The following SMURF2 variants were observed in gnomAD, a reference collection of about 807,000 sequenced individuals.
SMURF2 encodes the protein E3 ubiquitin-protein ligase SMURF2.
SMURF2 carries 48 observed loss-of-function variants against 109.6 expected under a neutral mutation model. That is an observed-to-expected ratio of 0.44 (90% CI 0.35 to 0.56). The LOEUF is 0.56. SMURF2 is among the 20% of genes least tolerant of loss of function. The pLI is 0.01. For missense variants in SMURF2, 575 were observed against 909.0 expected (o/e 0.63, Z 4.72); for synonymous variants, 288 against 317.1 (o/e 0.91, Z 0.97).
chr17:64,643,823 G>GT (rs1243188394), intron 1 of SMURF2, among the ~76,000 whole-genome samples: 1 of 152,136 alleles, frequency 6.6e-6, no homozygotes, highest in South Asian at 2.1e-4. Context: ...CTTCAGCTAC[G>GT]TTTTTTGTTT....
chr17:64,647,482 AGCCTG>A, intron 1 of SMURF2, among the ~76,000 whole-genome samples: 1 of 152,230 alleles, frequency 6.6e-6, no homozygotes, highest in East Asian at 1.9e-4. Flanking sequence ...GCTTGAGACC[AGCCTG>A]GCCAACATGG....
chr17:64,642,216 G>C (rs1265011209), intron 1 of SMURF2, among the ~76,000 whole-genome samples: 1 of 152,210 alleles, frequency 6.6e-6, no homozygotes, highest in Admixed American at 6.5e-5. Flanking sequence ...TAGCAATGCA[G>C]GTCGATTTTC....
chr17:64,601,082 C>A (rs1303633600), intron 2 of SMURF2, among the ~76,000 whole-genome samples: 6 of 151,986 alleles, frequency 3.9e-5, no homozygotes, highest in South Asian at 2.1e-4. Context: ...GACCACCCCC[C>A]ATCCCCCACA....
At chr17:64,650,839 A>G (rs1555693420) in intron 1 of SMURF2, among the ~76,000 whole-genome samples, 1 of 147,000 alleles carries the variant, frequency 6.8e-6, no homozygotes. Flanking sequence ...TACCAAGTAT[A>G]TCTTACATAG....
chr17:64,585,543 A>G (rs1969640906), intron 6 of SMURF2, among the ~76,000 whole-genome samples: 1 of 152,222 alleles, frequency 6.6e-6, no homozygotes, highest in African/African-American at 2.4e-5. Context: ...TAAAGCCAAT[A>G]CACAGAATAG....
At chr17:64,658,788 G>A (rs1970736251) in intron 1 of SMURF2, among the ~76,000 whole-genome samples, 1 of 152,098 alleles carries the variant, frequency 6.6e-6, no homozygotes, top group Non-Finnish European at 1.5e-5. Context: ...ACCATTGAAA[G>A]AAAAGCCTGT....
chr17:64,635,789 C>T (rs1204771034), intron 1 of SMURF2, among the ~76,000 whole-genome samples: 1 of 152,124 alleles, frequency 6.6e-6, no homozygotes, highest in Non-Finnish European at 1.5e-5. Context: ...CTACTATGCA[C>T]AAGATTTTGT....
In SMURF2 at chr17:64,547,451, GAGA is replaced by G; in HGVS notation, c.2071+146_2071+148del. On this transcript the variant is annotated intron_variant, in intron 17 of 18. Coordinates refer to ENST00000262435, the MANE Select transcript of SMURF2 (RefSeq NM_022739.4). The surrounding 1 kb of genome is among the most constrained non-coding windows in gnomAD (Gnocchi z 4.2). ...TGGGAAGGGAACAAAAGAAAGGAGG[GAGA>G]AGAAGGTATCACAATGTGAGAGTCA... 1.5e-6 allele frequency: 1 copy of G among 683,664 alleles called. No individual in the cohort carries two copies. The highest frequency in any genetic ancestry group is 2.5e-6 in the Non-Finnish European group (1 of 407,826). The allele number at this position is 683,664 out of a possible 1,614,324, so 42.3% of individuals were successfully genotyped here. A position where few individuals can be genotyped will look rare whatever the true frequency, so the allele number is the denominator to read the frequency against.
chr17:64,578,252 T>C (rs1969526451), intron 9 of SMURF2, among the ~76,000 whole-genome samples: 1 of 151,606 alleles, frequency 6.6e-6, no homozygotes, highest in Non-Finnish European at 1.5e-5. Context: ...CCTATTCCAC[T>C]TTTTTTTAAG....
intron 1 of SMURF2, among the ~76,000 whole-genome samples, chr17:64,620,383 T>G (rs1299188316): frequency 6.6e-6 from 1 of 152,206 alleles, no homozygotes; most frequent in Non-Finnish European, 1.5e-5. Flanking sequence ...TTAGGCATTG[T>G]GAATTCAGGC....
At chr17:64,626,986 T>C (rs951554267) in intron 1 of SMURF2, among the ~76,000 whole-genome samples, 12 of 150,950 alleles carry the variant, frequency 7.9e-5, no homozygotes, top group African/African-American at 2.2e-4. Context: ...ACAAATATGA[T>C]AGGCTCCAGT....
At chr17:64,579,172 C>T (rs1969542701) in intron 8 of SMURF2, among the ~76,000 whole-genome samples, 1 of 151,988 alleles carries the variant, frequency 6.6e-6, no homozygotes, top group African/African-American at 2.4e-5. Context: ...AGCACGCACA[C>T]TGGGGAGAAA....
chr17:64,578,110 T>G (rs568553076), intron 9 of SMURF2, among the ~76,000 whole-genome samples: 42 of 151,890 alleles, frequency 2.8e-4, no homozygotes, highest in Admixed American at 1.2e-3. Context: ...CACGCCCAGC[T>G]CATTTTTGTA....
intron 16 of SMURF2, among the ~76,000 whole-genome samples, chr17:64,551,368 A>AAGAG (rs113423709): frequency 6.6e-6 from 1 of 151,952 alleles, no homozygotes; most frequent in African/African-American, 2.4e-5. Flanking sequence ...GAAAAAAAAA[A>AAGAG]AGAGAGAGAG....
chr17:64,636,244 C>T (rs1392639832), intron 1 of SMURF2, among the ~76,000 whole-genome samples: 2 of 152,116 alleles, frequency 1.3e-5, no homozygotes, highest in Admixed American at 1.3e-4. Context: ...TAGGCATGTG[C>T]CAACACATCT....
In SMURF2 at chr17:64,652,929, A is replaced by T. The variant is rs532018148; in HGVS notation, c.52+8900T>A. ...CATATTAAAAAATTAACTTGAAAAT[A>T]AGTTTAAATGTATGAGTTAAAATTA... On this transcript the variant is annotated intron_variant, in intron 1 of 18. Transcript: ENST00000262435. Among the ~76,000 whole-genome samples, 3 of 152,358 alleles carry T rather than the reference A, an allele frequency of 2.0e-5. No individual in the cohort carries two copies. In the Middle Eastern group the frequency reaches 0.01, roughly 518 times the overall value.
intron 16 of SMURF2, among the ~76,000 whole-genome samples, chr17:64,548,518 G>A (rs1301532306): frequency 6.6e-6 from 1 of 152,104 alleles, no homozygotes; most frequent in Non-Finnish European, 1.5e-5. Context: ...CTCCCAAGTA[G>A]CTGGGATTAC....
chr17:64,575,589 A>C (rs968416630), intron 9 of SMURF2, among the ~76,000 whole-genome samples: 1 of 152,056 alleles, frequency 6.6e-6, no homozygotes, highest in Non-Finnish European at 1.5e-5. Flanking sequence ...AAAGTAAGAC[A>C]TTTTCATAAT....
chr17:64,653,608 C>G (rs553485295), intron 1 of SMURF2, among the ~76,000 whole-genome samples: 1 of 152,242 alleles, frequency 6.6e-6, no homozygotes, highest in Admixed American at 6.5e-5. Context: ...AGGCCACACC[C>G]GACCAATTTC....
Sources: gnomAD v4.1 joint callset for allele counts (sites outside exome capture counted in the v4.1 genomes callset) on GRCh38, gnomAD v4.1.1 for gene constraint, Gnocchi (gnomAD v3.1) non-coding constraint, MANE v1.5 for transcripts, NCBI Gene and HGNC (gene_info 2026-07-23, HGNC 2026-07-21) for gene names.